Variants in MAOA observed in about 807,000 individuals in gnomAD.
The protein encoded by MAOA is monoamine oxidase A, also known as amine oxidase [flavin-containing] A.
MAOA carries 6 observed loss-of-function variants against 42.0 expected under a neutral mutation model. The observed-to-expected ratio is 0.14, with a 90% CI of 0.08 to 0.28. The LOEUF (loss-of-function observed/expected upper bound fraction) is 0.28, where lower values mean the gene tolerates loss of function less well. Ranked by LOEUF, MAOA falls within the 10% of genes least tolerant of loss-of-function variation. MAOA has a pLI of 1.00. For missense variants in MAOA, 262 were observed against 422.3 expected (o/e 0.62, Z 3.33); for synonymous variants, 140 against 154.0 (o/e 0.91, Z 0.67).
intron 3 of MAOA, among the ~76,000 whole-genome samples, chrX:43,701,619 C>T (rs1189654167): frequency 9.0e-6 from 1 of 111,345 alleles, no homozygotes; most frequent in African/African-American, 3.3e-5. Flanking sequence ...TGAGAAGTAA[C>T]CTAGCATCAC....
chrX:43,728,100 T>C, intron 5 of MAOA, 73 bp from the exon 6 acceptor site: 1 of 1,017,805 alleles, frequency 9.8e-7, no homozygotes, highest in Non-Finnish European at 1.4e-6. Context: ...CACTAAATCG[T>C]GTTGTAAAAA....
chrX:43,700,347 T>C (rs2033613593), intron 3 of MAOA, among the ~76,000 whole-genome samples: 1 of 112,389 alleles, frequency 8.9e-6, no homozygotes. Context: ...CTCCAAGATA[T>C]GACAAAATCA....
intron 10 of MAOA, 115 bp from the exon 11 acceptor site, chrX:43,740,565 AT>A: frequency 1.8e-6 from 1 of 562,963 alleles, no homozygotes. Flanking sequence ...ATTTTAATTT[AT>A]CTGTAATAAA....
intron 2 of MAOA, among the ~76,000 whole-genome samples, chrX:43,689,180 A>C (rs748824343): frequency 9.0e-6 from 1 of 111,537 alleles, no homozygotes; most frequent in South Asian, 3.7e-4. Context: ...CCTGGGTTCA[A>C]GCTGTTCTCC....
chrX:43,736,625 A>G, intron 10 of MAOA, among the ~76,000 whole-genome samples: 1 of 112,102 alleles, frequency 8.9e-6, no homozygotes, highest in South Asian at 3.7e-4. Context: ...AGATTCTCTG[A>G]CATGGACTTT....
intron 1 of MAOA, among the ~76,000 whole-genome samples, chrX:43,663,738 C>T (rs1381196351): frequency 8.9e-6 from 1 of 112,185 alleles, no homozygotes; most frequent in East Asian, 2.8e-4. Flanking sequence ...TAAGATATCA[C>T]AAGGAATGTT....
intron 6 of MAOA, 86 bp downstream of exon 6, chrX:43,728,400 C>T: frequency 6.9e-6 from 7 of 1,017,023 alleles, no homozygotes; most frequent in Non-Finnish European, 9.7e-6. Context: ...ATAGTTGCTT[C>T]AGGATTTTGA....
chrX:43,671,756 T>C (rs1206798615), intron 1 of MAOA, among the ~76,000 whole-genome samples: 2 of 101,817 alleles, frequency 2.0e-5, no homozygotes, highest in African/African-American at 7.2e-5. Flanking sequence ...TAGTTGTAGA[T>C]ATGCGGCATT....
intron 5 of MAOA, among the ~76,000 whole-genome samples, chrX:43,724,831 A>G (rs1440135405): frequency 8.9e-6 from 1 of 111,941 alleles, no homozygotes; most frequent in Non-Finnish European, 1.9e-5. Context: ...ATTTTCTTCT[A>G]CACACTGCTT....
intron 1 of MAOA, among the ~76,000 whole-genome samples, chrX:43,681,880 A>ATTTT (rs768785097): frequency 2.7e-3 from 239 of 87,552 alleles, no homozygotes; most frequent in African/African-American, 9.7e-3. Context: ...ATATATATAT[A>ATTTT]TTTTTTTTTT....
At chrX:43,683,050 T>C (rs768933025) in intron 1 of MAOA, among the ~76,000 whole-genome samples, 11 of 111,463 alleles carry the variant, frequency 9.9e-5, no homozygotes, top group South Asian at 7.5e-4. Context: ...ATATAAATCA[T>C]AGGACATGAT....
At chrX:43,707,729 G>T (rs568702114) in intron 3 of MAOA, among the ~76,000 whole-genome samples, 1 of 111,951 alleles carries the variant, frequency 8.9e-6, no homozygotes, top group East Asian at 2.8e-4. Context: ...AAAACAATGG[G>T]ACTAGAAGGG....
chrX:43,737,572 G>T (rs2033929143), intron 10 of MAOA, among the ~76,000 whole-genome samples: 1 of 111,338 alleles, frequency 9.0e-6, no homozygotes. Flanking sequence ...AGTGATGAAG[G>T]TGGTATCCTC....
chrX:43,731,444 C>A, intron 7 of MAOA, 54 bp downstream of exon 7: 1 of 1,101,530 alleles, frequency 9.1e-7, no homozygotes. Context: ...GTGTCTTTTG[C>A]AGTTTCTAAC....
chrX:43,705,053 C>T (rs1168801768), intron 3 of MAOA, among the ~76,000 whole-genome samples: 2 of 111,551 alleles, frequency 1.8e-5, no homozygotes, highest in African/African-American at 6.5e-5. Flanking sequence ...TAACACAATC[C>T]CTTTCAAGAT....
chrX:43,679,400 G>A (rs1407951072), intron 1 of MAOA, among the ~76,000 whole-genome samples: 1 of 108,942 alleles, frequency 9.2e-6, no homozygotes, highest in Non-Finnish European at 1.9e-5. Flanking sequence ...CTAAGTGAGG[G>A]TGTGAGAAGG....
At chrX:43,683,145 C>T (rs913085549) in intron 1 of MAOA, among the ~76,000 whole-genome samples, 1 of 111,635 alleles carries the variant, frequency 9.0e-6, no homozygotes, top group African/African-American at 3.3e-5. Context: ...AGAAAATAGT[C>T]TCTTCTGTTA....
At chrX:43,697,139 A>G (rs1284990476) in intron 3 of MAOA, among the ~76,000 whole-genome samples, 1 of 112,525 alleles carries the variant, frequency 8.9e-6, no homozygotes, top group Non-Finnish European at 1.9e-5. Context: ...TCTGAAGTTC[A>G]GAGGCCCAGT....
intron 1 of MAOA, among the ~76,000 whole-genome samples, chrX:43,661,111 A>G (rs2033230147): frequency 2.7e-5 from 3 of 111,624 alleles, no homozygotes; most frequent in Admixed American, 1.9e-4. Context: ...AAGGATAGGA[A>G]ATGCTCGGTC....
Sources: gnomAD v4.1 joint callset for allele counts (sites outside exome capture counted in the v4.1 genomes callset) on GRCh38, gnomAD v4.1.1 for gene constraint, MANE v1.5 for transcripts, NCBI Gene and HGNC (gene_info 2026-07-23, HGNC 2026-07-21) for gene names.